Variants in SAMMSON observed in about 807,000 individuals in gnomAD.
The protein encoded by SAMMSON is long intergenic non-protein coding RNA 1212.
At chr3:70,375,660 A>C (rs1703008529) in intron 9 of SAMMSON, among the ~76,000 whole-genome samples, 1 of 152,224 alleles carries the variant, frequency 6.6e-6, no homozygotes, top group East Asian at 1.9e-4. Flanking sequence ...GCATATGCCA[A>C]CTTCATCTGC....
At chr3:70,112,320 G>A (rs762624252) in intron 4 of SAMMSON, among the ~76,000 whole-genome samples, 13 of 152,076 alleles carry the variant, frequency 8.5e-5, no homozygotes, top group Non-Finnish European at 1.5e-4. Context: ...GTACAATTAC[G>A]TACCCTACAA....
At chr3:70,380,786 A>G (rs1441321280) in intron 9 of SAMMSON, among the ~76,000 whole-genome samples, 2 of 151,588 alleles carry the variant, frequency 1.3e-5, no homozygotes, top group Admixed American at 6.6e-5. Context: ...GAGTGAGAGT[A>G]TGCGGTGTTT....
chr3:70,031,017 A>G (rs1041488044), intron 3 of SAMMSON, among the ~76,000 whole-genome samples: 4 of 152,190 alleles, frequency 2.6e-5, no homozygotes, highest in African/African-American at 9.6e-5. Flanking sequence ...TAGATTTACT[A>G]TGTGGTCCAG....
At chr3:70,042,565 C>G (rs1185467067) in intron 3 of SAMMSON, among the ~76,000 whole-genome samples, 2 of 152,050 alleles carry the variant, frequency 1.3e-5, no homozygotes, top group African/African-American at 4.8e-5. Flanking sequence ...ACACACTATA[C>G]TAGAATCTTG....
At chr3:70,170,579 CTTTTTT>C (rs538385626) in intron 4 of SAMMSON, among the ~76,000 whole-genome samples, 3,937 of 105,658 alleles carry the variant, frequency 0.037, 80 homozygotes, top group East Asian at 0.23. Context: ...CTAGATTTTC[CTTTTTT>C]TTTTTTTTTT....
intron 3 of SAMMSON, chr3:70,025,254 A>AT (rs1232946160): frequency 6.6e-6 from 1 of 151,902 alleles, no homozygotes; most frequent in Non-Finnish European, 1.5e-5. Flanking sequence ...TTATTTATTT[A>AT]TTTTTTTGAG....
At chr3:70,114,171 T>C (rs556823212) in intron 4 of SAMMSON, among the ~76,000 whole-genome samples, 13 of 152,306 alleles carry the variant, frequency 8.5e-5, no homozygotes, top group African/African-American at 3.1e-4. Context: ...TGACCTTGAG[T>C]AGCCTCTGAT....
At chr3:70,187,170 ACT>A (rs948559185) in intron 4 of SAMMSON, among the ~76,000 whole-genome samples, 2 of 151,922 alleles carry the variant, frequency 1.3e-5, no homozygotes, top group Admixed American at 6.5e-5. Context: ...TTTGATTGAT[ACT>A]CTTATAGCAT....
chr3:70,194,421 G>T (rs1313848513), intron 4 of SAMMSON, among the ~76,000 whole-genome samples: 1 of 152,106 alleles, frequency 6.6e-6, no homozygotes, highest in African/African-American at 2.4e-5. Context: ...TTCTGCAATT[G>T]TATTTCCCCA....
At chr3:70,142,750 T>G (rs941554008) in intron 4 of SAMMSON, among the ~76,000 whole-genome samples, 2 of 152,144 alleles carry the variant, frequency 1.3e-5, no homozygotes, top group African/African-American at 4.8e-5. Flanking sequence ...AAATATCTTC[T>G]TGGTATCTGT....
intron 4 of SAMMSON, among the ~76,000 whole-genome samples, chr3:70,089,985 G>A (rs1423068966): frequency 6.6e-6 from 1 of 152,004 alleles, no homozygotes; most frequent in Non-Finnish European, 1.5e-5. Flanking sequence ...TAGGAAGGGA[G>A]TATCCCATAA....
intron 4 of SAMMSON, among the ~76,000 whole-genome samples, chr3:70,229,669 A>T (rs1701540382): frequency 6.6e-6 from 1 of 152,202 alleles, no homozygotes; most frequent in African/African-American, 2.4e-5. Context: ...AATATGGTAG[A>T]CAACTCTGAT....
chr3:70,113,349 AAGCCAG>A (rs1405842918), intron 4 of SAMMSON, among the ~76,000 whole-genome samples: 1 of 152,180 alleles, frequency 6.6e-6, no homozygotes, highest in Non-Finnish European at 1.5e-5. Flanking sequence ...TAGTTTTTAA[AAGCCAG>A]AGTAAATAAT....
In SAMMSON at chr3:70,029,039, A is replaced by G. The variant is rs141617727; in HGVS notation, n.417+15367A>G. 3.8e-3 allele frequency among the ~76,000 whole-genome samples: 581 copies of G among 152,312 alleles called. 2 individuals carry two copies. Among genetic ancestry groups the G allele is most frequent in the Admixed American group, 6.8e-3 (104 of 15,300 alleles). On this transcript the variant is annotated intron_variant and non_coding_transcript_variant, in intron 3 of 9. Coordinates refer to ENST00000642114, the Ensembl canonical transcript of SAMMSON. ...TTTGGACGATATGACTCCTGTGTCC[A>G]TGAGCTAAACCATTATACCATATTG...
chr3:70,285,015 T>G (rs867624560), intron 6 of SAMMSON, among the ~76,000 whole-genome samples: 23 of 152,010 alleles, frequency 1.5e-4, no homozygotes, highest in Admixed American at 5.9e-4. Context: ...AAATTACCTA[T>G]TTTTTTATTT....
chr3:70,064,064 A>AGAG (rs2067200771), intron 3 of SAMMSON, among the ~76,000 whole-genome samples: 1 of 152,156 alleles, frequency 6.6e-6, no homozygotes, highest in African/African-American at 2.4e-5. Context: ...GTAAGCTCTC[A>AGAG]GAGGGCTGGA....
At chr3:70,370,866 G>A (rs550346236) in intron 9 of SAMMSON, among the ~76,000 whole-genome samples, 4 of 151,856 alleles carry the variant, frequency 2.6e-5, no homozygotes, top group Non-Finnish European at 4.4e-5. Flanking sequence ...ATGATTTAGA[G>A]GTCTTAGTCA....
In SAMMSON at chr3:70,108,423, C is replaced by CTTTTTTTTTTT. The variant is rs61561713; in HGVS notation, n.507+36866_507+36876dup. Among the ~76,000 whole-genome samples the CTTTTTTTTTTT allele has an allele frequency of 3.6e-3, 323 of 89,316 alleles. 31 individuals carry two copies. Among genetic ancestry groups the CTTTTTTTTTTT allele is most frequent in the Middle Eastern group, 0.024 (3 of 126 alleles). The allele number at this position is 89,316 out of a possible 152,430, so 58.6% of individuals were successfully genotyped here. A position where few individuals can be genotyped will look rare whatever the true frequency, so the allele number is the denominator to read the frequency against. On this transcript the variant is annotated intron_variant and non_coding_transcript_variant, in intron 4 of 9. Coordinates refer to ENST00000642114, the Ensembl canonical transcript of SAMMSON. ...TAGTGTTTCTCAACTCTTGCGGTTC[C>CTTTTTTTTTTT]TTTTTTTTTTTTTTTTTTATCATAA...
chr3:70,230,922 T>A (rs1701553758), intron 4 of SAMMSON, among the ~76,000 whole-genome samples: 1 of 152,160 alleles, frequency 6.6e-6, no homozygotes, highest in African/African-American at 2.4e-5. Context: ...AACTTCCACT[T>A]TTCAATTTGG....
Sources: gnomAD v4.1 joint callset for allele counts (sites outside exome capture counted in the v4.1 genomes callset) on GRCh38, gnomAD v4.1.1 for gene constraint, MANE v1.5 for transcripts, NCBI Gene and HGNC (gene_info 2026-07-23, HGNC 2026-07-21) for gene names.